Variants in IL1RAPL2 observed in about 807,000 individuals in gnomAD.
The protein encoded by IL1RAPL2 is X-linked interleukin-1 receptor accessory protein-like 2.
A neutral mutation model predicts 44.1 loss-of-function variants in IL1RAPL2; 3 were observed. The observed-to-expected ratio is 0.07, with a 90% CI of 0.03 to 0.18. The LOEUF is 0.18. Among genes scored for constraint, IL1RAPL2 ranks in the 10% least tolerant of loss-of-function variants. The probability of loss-of-function intolerance (pLI) is 1.00; values close to 1 mark genes in which losing one functional copy is unlikely to be tolerated. For missense variants in IL1RAPL2, 391 were observed against 496.4 expected (o/e 0.79, Z 2.02); for synonymous variants, 181 against 178.8 (o/e 1.01, Z -0.10).
intron 6 of IL1RAPL2, among the ~76,000 whole-genome samples, chrX:105,636,016 G>A (rs1347888013): frequency 1.8e-5 from 2 of 110,852 alleles, no homozygotes; most frequent in Non-Finnish European, 3.8e-5. Context: ...ATGGGAGTGG[G>A]TAGCCTGAGG....
chrX:105,025,282 T>C (rs1009005288), intron 2 of IL1RAPL2, among the ~76,000 whole-genome samples: 2 of 111,681 alleles, frequency 1.8e-5, no homozygotes, highest in Admixed American at 9.5e-5. Flanking sequence ...TGAACACTTA[T>C]AGCACTACTT....
intron 5 of IL1RAPL2, among the ~76,000 whole-genome samples, chrX:105,465,126 AC>A (rs764965811): frequency 8.9e-6 from 1 of 111,967 alleles, no homozygotes; most frequent in Non-Finnish European, 1.9e-5. Flanking sequence ...CTAGCTAGAA[AC>A]CCTTTAACCA....
rs186418067 is a variant in IL1RAPL2 at position 104,750,063 on chromosome X, T to A, written c.82+91068T>A. Among the ~76,000 whole-genome samples, 139 of 111,999 alleles carry A rather than the reference T, an allele frequency of 1.2e-3. 1 individual carries two copies. The highest frequency in any genetic ancestry group is 4.1e-3 in the African/African-American group (128 of 30,874). The stretch of plus-strand genomic sequence containing the variant: ...TCTTCTGAGAACTGGATGATATTTA[T>A]ACTTTTCTGAGGCTTGCTCGCTAGT... On this transcript the variant is annotated intron_variant, in intron 2 of 10. Transcript: ENST00000372582.
chrX:105,515,248 A>T (rs2036504154), intron 6 of IL1RAPL2, among the ~76,000 whole-genome samples: 1 of 111,851 alleles, frequency 8.9e-6, no homozygotes. Flanking sequence ...TACAGTTCTT[A>T]ATCATCTGGC....
intron 1 of IL1RAPL2, among the ~76,000 whole-genome samples, chrX:104,636,345 G>C (rs1358835576): frequency 8.9e-6 from 1 of 112,069 alleles, no homozygotes; most frequent in Non-Finnish European, 1.9e-5. Context: ...CTGCGTGCTG[G>C]GAGAACCACT....
chrX:105,508,661 A>AG (rs1465884397), intron 6 of IL1RAPL2, among the ~76,000 whole-genome samples: 1 of 93,391 alleles, frequency 1.1e-5, no homozygotes, highest in Non-Finnish European at 1.9e-5. Context: ...GAAAAAAAAA[A>AG]TGAAAGCTTT....
chrX:105,127,590 A>G (rs1901948946), intron 2 of IL1RAPL2, among the ~76,000 whole-genome samples: 1 of 110,990 alleles, frequency 9.0e-6, no homozygotes, highest in South Asian at 3.7e-4. Flanking sequence ...GTCCAAATTC[A>G]CATGGCTGGT....
At chrX:104,629,882 CTA>C (rs1929599130) in intron 1 of IL1RAPL2, among the ~76,000 whole-genome samples, 1 of 111,990 alleles carries the variant, frequency 8.9e-6, no homozygotes, top group South Asian at 3.7e-4. Context: ...TTTCATTGGT[CTA>C]TGTGTCTGTT....
Position 105,386,239 on chromosome X carries a change from A to G in IL1RAPL2, c.698-98074A>G, listed in dbSNP as rs1288839637. On this transcript the variant is annotated intron_variant, in intron 5 of 10. Transcript: ENST00000372582. Reference sequence around the variant, plus strand: ...ATACAAAAACAAACTTACAAATGAAATATAAATAAAACCACAAAACTAATA... The same window carrying G: ...ATACAAAAACAAACTTACAAATGAAGTATAAATAAAACCACAAAACTAATA... Among the ~76,000 whole-genome samples, 4 of 112,333 alleles carry G rather than the reference A, an allele frequency of 3.6e-5. No homozygotes were observed. The East Asian group carries it at 1.1e-3, about 31-fold the overall frequency.
At chrX:105,626,711 G>A (rs1456812964) in intron 6 of IL1RAPL2, among the ~76,000 whole-genome samples, 1 of 111,354 alleles carries the variant, frequency 9.0e-6, no homozygotes, top group Non-Finnish European at 1.9e-5. Context: ...CCCAAATAGT[G>A]TACATCGTAA....
chrX:105,404,913 C>G (rs962391549), intron 5 of IL1RAPL2, among the ~76,000 whole-genome samples: 1 of 111,519 alleles, frequency 9.0e-6, no homozygotes, highest in Non-Finnish European at 1.9e-5. Flanking sequence ...TATATGCTAC[C>G]CTAACCAATA....
At chrX:104,864,949 A>G (rs1922579310) in intron 2 of IL1RAPL2, among the ~76,000 whole-genome samples, 1 of 111,329 alleles carries the variant, frequency 9.0e-6, no homozygotes, top group Non-Finnish European at 1.9e-5. Context: ...TAATTAATTT[A>G]GCTCAGGTCC....
chrX:104,780,219 T>G (rs1932763532), intron 2 of IL1RAPL2, among the ~76,000 whole-genome samples: 1 of 111,563 alleles, frequency 9.0e-6, no homozygotes, highest in Non-Finnish European at 1.9e-5. Context: ...ACTTACACAT[T>G]GCAGAATTGC....
intron 2 of IL1RAPL2, among the ~76,000 whole-genome samples, chrX:105,034,061 G>T (rs1214090459): frequency 8.9e-6 from 1 of 111,934 alleles, no homozygotes; most frequent in African/African-American, 3.2e-5. Context: ...TGGAGCCTTG[G>T]CTTTCAGCTC....
At chrX:105,299,002 G>A (rs767820400) in intron 5 of IL1RAPL2, among the ~76,000 whole-genome samples, 1 of 108,668 alleles carries the variant, frequency 9.2e-6, no homozygotes, top group South Asian at 4.2e-4. Flanking sequence ...AAGAGATGGG[G>A]AAAATGAGGA....
chrX:105,403,593 A>G (rs2035621227), intron 5 of IL1RAPL2, among the ~76,000 whole-genome samples: 1 of 111,704 alleles, frequency 9.0e-6, no homozygotes, highest in Admixed American at 9.5e-5. Flanking sequence ...CAAAAACATT[A>G]GGTAACTCAC....
chrX:104,629,898 A>AT (rs1929599812), intron 1 of IL1RAPL2, among the ~76,000 whole-genome samples: 1 of 112,088 alleles, frequency 8.9e-6, no homozygotes, highest in Non-Finnish European at 1.9e-5. Context: ...GTCTGTTTTT[A>AT]TACCAATAAC....
intron 5 of IL1RAPL2, among the ~76,000 whole-genome samples, chrX:105,348,147 G>T (rs981665114): frequency 1.8e-5 from 2 of 111,420 alleles, no homozygotes; most frequent in Non-Finnish European, 3.8e-5. Context: ...TTTGATAGCC[G>T]GTTCTGGGCC....
At chrX:105,020,194 A>G (rs1234622530) in intron 2 of IL1RAPL2, among the ~76,000 whole-genome samples, 2 of 110,342 alleles carry the variant, frequency 1.8e-5, no homozygotes, top group Non-Finnish European at 3.8e-5. Flanking sequence ...CATGTTTCCT[A>G]GGCTAGTCTT....
Sources: allele counts gnomAD v4.1 joint callset (sites outside exome capture counted in the v4.1 genomes callset), GRCh38; gene constraint gnomAD v4.1.1; transcripts MANE v1.5; gene names NCBI Gene and HGNC (gene_info 2026-07-23, HGNC 2026-07-21).